The following MEGF10 variants were observed in gnomAD, a reference collection of about 807,000 sequenced individuals.
MEGF10 encodes multiple EGF like domains 10.
Under a neutral mutation model 147.5 loss-of-function variants are expected in MEGF10, and 86 were observed. The ratio of observed to expected loss-of-function variants is 0.58; its 90% CI spans 0.49 to 0.70. MEGF10 has a LOEUF of 0.70. Ranked by LOEUF, MEGF10 falls within the 30% of genes least tolerant of loss-of-function variation. The pLI is 0.00. For missense variants in MEGF10, 1,329 were observed against 1,487.3 expected (o/e 0.89, Z 1.75); for synonymous variants, 478 against 525.5 (o/e 0.91, Z 1.24).
chr5:127,366,271 T>C (rs1177512057), intron 4 of MEGF10, among the ~76,000 whole-genome samples: 1 of 152,168 alleles, frequency 6.6e-6, no homozygotes, highest in African/African-American at 2.4e-5. Context: ...CCTTCCTCTG[T>C]TGCTTCCCTT....
rs1431063330 is a variant in MEGF10, at chr5:127,434,705, A to G, written c.1859A>G (p.Tyr620Cys). Reference protein sequence around the residue: ...TCQRICSPGFYGHRCSQTCPQ... With the variant: ...TCQRICSPGFCGHRCSQTCPQ... Reference sequence around the variant, plus strand: ...TTTTCAGTCTGCTCCCCTGGTTTTTATGGGCATCGCTGCAGCCAGACATGC... The same window carrying G: ...TTTTCAGTCTGCTCCCCTGGTTTTTGTGGGCATCGCTGCAGCCAGACATGC... Residue 620 changes from tyrosine to cysteine, a missense_variant, in exon 15 of 25, where the codon TAT becomes TGT. Transcript: ENST00000503335. 6.2e-7 allele frequency: 1 copy of G among 1,612,318 alleles called. No homozygotes were observed. The highest frequency in any genetic ancestry group is 1.1e-5 in the South Asian group (1 of 90,864).
chr5:127,429,639 C>T (rs1378314202), intron 13 of MEGF10, among the ~76,000 whole-genome samples: 1 of 152,194 alleles, frequency 6.6e-6, no homozygotes, highest in Non-Finnish European at 1.5e-5. Flanking sequence ...TCTTCATCTG[C>T]ATTTTCTTCT....
chr5:127,235,013 T>G, the MEGF10 span, among the ~76,000 whole-genome samples: 2 of 152,016 alleles, frequency 1.3e-5, no homozygotes, highest in Non-Finnish European at 2.9e-5. Flanking sequence ...CCAGCTAATT[T>G]TTTTGTATTT....
At chr5:127,311,102 A>G (rs921796232) in intron 1 of MEGF10, among the ~76,000 whole-genome samples, 5 of 152,310 alleles carry the variant, frequency 3.3e-5, no homozygotes, top group African/African-American at 1.2e-4. Context: ...TATTCCTCTT[A>G]TTTCTATTAA....
chr5:127,449,426 A>G (rs776272437), intron 22 of MEGF10, among the ~76,000 whole-genome samples: 69 of 152,226 alleles, frequency 4.5e-4, no homozygotes, highest in Non-Finnish European at 9.6e-4. Context: ...AGTTCCTACT[A>G]TGTGCCAGGA....
chr5:127,375,609 T>G (rs911065455), intron 5 of MEGF10, among the ~76,000 whole-genome samples: 2 of 152,222 alleles, frequency 1.3e-5, no homozygotes, highest in Non-Finnish European at 2.9e-5. Context: ...TTAATCTATT[T>G]TATCCCATCT....
At chr5:127,328,950 G>A (rs913782013) in intron 1 of MEGF10, among the ~76,000 whole-genome samples, 25 of 152,118 alleles carry the variant, frequency 1.6e-4, no homozygotes, top group African/African-American at 5.8e-4. Flanking sequence ...ATATTACACG[G>A]CTTCAACTGT....
chr5:127,339,893 G>A (rs1177852823), intron 3 of MEGF10, among the ~76,000 whole-genome samples: 3 of 151,990 alleles, frequency 2.0e-5, no homozygotes, highest in African/African-American at 7.2e-5. Flanking sequence ...CCTGACTCAG[G>A]CTTTATTTTT....
chr5:127,318,086 T>C (rs1760635167), intron 1 of MEGF10, among the ~76,000 whole-genome samples: 1 of 152,160 alleles, frequency 6.6e-6, no homozygotes, highest in South Asian at 2.1e-4. Flanking sequence ...GATCAGTAAA[T>C]ATGATTAGTG....
At chr5:127,395,141 A>G (rs1763852437) in intron 5 of MEGF10, among the ~76,000 whole-genome samples, 1 of 152,152 alleles carries the variant, frequency 6.6e-6, no homozygotes, top group East Asian at 1.9e-4. Context: ...AGTGATTTTT[A>G]TAGCATCTAA....
chr5:127,357,766 C>T (rs1171779204), intron 4 of MEGF10, among the ~76,000 whole-genome samples: 1 of 152,016 alleles, frequency 6.6e-6, no homozygotes, highest in Non-Finnish European at 1.5e-5. Context: ...TTTTAGGGCC[C>T]ATACAATTTT....
chr5:127,435,894 G>A (rs1765538950), intron 16 of MEGF10, among the ~76,000 whole-genome samples: 1 of 152,164 alleles, frequency 6.6e-6, no homozygotes, highest in African/African-American at 2.4e-5. Flanking sequence ...GGGAACCTGA[G>A]CGAACTGCCC....
intron 1 of MEGF10, among the ~76,000 whole-genome samples, chr5:127,306,894 T>TCATG (rs1168481800): frequency 6.6e-6 from 1 of 152,236 alleles, no homozygotes; most frequent in Non-Finnish European, 1.5e-5. Context: ...CCAGCATTAC[T>TCATG]CATGAGCCAA....
chr5:127,424,569 T>C, intron 13 of MEGF10: 1 of 1,391,512 alleles, frequency 7.2e-7, no homozygotes, highest in South Asian at 1.6e-5. Flanking sequence ...GAGAGCTTCT[T>C]TGGTTTCTAA....
chr5:127,456,206 A>G (rs1766358923), intron 24 of MEGF10, among the ~76,000 whole-genome samples: 2 of 152,222 alleles, frequency 1.3e-5, no homozygotes, highest in Admixed American at 6.5e-5. Context: ...TTCCTGGTTC[A>G]TTATATTAAT....
chr5:127,291,837 C>T (rs1299456680), intron 1 of MEGF10, among the ~76,000 whole-genome samples: 1 of 152,164 alleles, frequency 6.6e-6, no homozygotes, highest in East Asian at 1.9e-4. Flanking sequence ...ATGGCAATAT[C>T]TTTGCTGCTT....
At chr5:127,425,787 A>G (rs185318800) in intron 13 of MEGF10, among the ~76,000 whole-genome samples, 14 of 152,308 alleles carry the variant, frequency 9.2e-5, no homozygotes, top group Non-Finnish European at 1.6e-4. Context: ...CATTTAAGAC[A>G]CCAGGTTTGA....
At chr5:127,429,248 A>G (rs17684962) in intron 13 of MEGF10, among the ~76,000 whole-genome samples, 3,800 of 152,286 alleles carry the variant, frequency 0.025, 46 homozygotes, top group East Asian at 0.045. Context: ...TTTATGGCCT[A>G]ATAATCTGGG....
At position 127,417,317 on chromosome 5, in the gene MEGF10, G is replaced by A. The variant is rs1430612415; in HGVS notation, c.1131-321G>A. On this transcript the variant is annotated intron_variant, in intron 9 of 24. Coordinates refer to ENST00000503335, the MANE Select transcript of MEGF10 (RefSeq NM_001256545.2). The stretch of plus-strand genomic sequence containing the variant: ...TTGTCCATTGGATGGAGTTTTTTTA[G>A]CTCCTCTCATAGAGTTGACCTCTTA... 2.0e-5 allele frequency among the ~76,000 whole-genome samples: 3 copies of A among 152,256 alleles called. No homozygotes were observed. The East Asian group carries it at 5.8e-4, about 29-fold the overall frequency.
Sources: allele counts gnomAD v4.1 joint callset (sites outside exome capture counted in the v4.1 genomes callset), GRCh38; gene constraint gnomAD v4.1.1; transcripts MANE v1.5; gene names NCBI Gene and HGNC (gene_info 2026-07-23, HGNC 2026-07-21).